Variants in F10 observed in about 807,000 individuals in gnomAD.
F10 encodes coagulation factor X.
F10 carries 29 observed loss-of-function variants against 37.1 expected under a neutral mutation model. That is an observed-to-expected ratio of 0.78 (90% CI 0.58 to 1.07). The LOEUF (loss-of-function observed/expected upper bound fraction) is 1.07. Ranked by LOEUF, F10 falls within the 50% of genes least tolerant of loss-of-function variation. The probability of loss-of-function intolerance (pLI) is 0.00; values close to 1 mark genes in which losing one functional copy is unlikely to be tolerated. For missense variants in F10, 539 were observed against 667.9 expected, an observed-to-expected ratio of 0.81 and a Z score of 2.13; for synonymous variants, 262 against 268.6, an observed-to-expected ratio of 0.98 and a Z score of 0.24.
chr13:113,137,753 A>T (rs999461345), intron 2 of F10, among the ~76,000 whole-genome samples: 2 of 152,058 alleles, frequency 1.3e-5, no homozygotes, highest in Admixed American at 1.3e-4. Flanking sequence ...CTCTGCTTTC[A>T]TCTTCGCATG....
At chr13:113,140,879 CT>C in intron 4 of F10, 39 bp from the exon 5 acceptor site, 1 of 1,613,712 alleles carries the variant, frequency 6.2e-7, no homozygotes, top group South Asian at 1.1e-5. Flanking sequence ...GCCTCCATTT[CT>C]CCAGCTGTCC....
rs3211795 is a variant in F10, at chr13:113,146,730, C to T, written c.748-649C>T. Among the ~76,000 whole-genome samples the T allele has an allele frequency of 9.5e-3, 1,446 of 152,314 alleles. 28 individuals are homozygous for T. The highest frequency in any genetic ancestry group is 0.033 in the African/African-American group (1,366 of 41,562). ...TTCATTGGTCTGTACATGTGCCCAG[C>T]CACTATCACAGGACGGGAAACTCCC... On this transcript the variant is annotated intron_variant, in intron 6 of 7. Coordinates refer to ENST00000375559, the MANE Select transcript of F10 (RefSeq NM_000504.4). This position sits in a 1 kb window ranked among gnomAD's most constrained non-coding sequence, Gnocchi z 4.5.
At chr13:113,148,376 G>A (rs1391433690) in intron 7 of F10, among the ~76,000 whole-genome samples, 5 of 63,850 alleles carry the variant, frequency 7.8e-5, no homozygotes, top group Non-Finnish European at 1.5e-4. Context: ...ATATATATAT[G>A]TGTATATATA....
chr13:113,131,711 T>C (rs2036436005), intron 2 of F10: 1 of 152,214 alleles, frequency 6.6e-6, no homozygotes, highest in Non-Finnish European at 1.5e-5. Flanking sequence ...ATGAGCTCTT[T>C]GACCAAATGA....
At chr13:113,127,231 T>C (rs1178414786) in intron 1 of F10, among the ~76,000 whole-genome samples, 1 of 152,242 alleles carries the variant, frequency 6.6e-6, no homozygotes, top group South Asian at 2.1e-4. Context: ...AAGGTGTTTT[T>C]GAAGCTCAAG....
intron 1 of F10, among the ~76,000 whole-genome samples, chr13:113,125,306 C>T (rs1384354833): frequency 2.0e-5 from 3 of 152,232 alleles, no homozygotes; most frequent in African/African-American, 7.2e-5. Flanking sequence ...TCAATCTTTA[C>T]ATTCAACAAG....
rs9604028 is a variant in F10 at position 113,136,949 on chromosome 13, C to T, written c.232-1508C>T. ...ACAGGCGTGAGCCACCGCGCCCGGC[C>T]AATTCTTGTACTTTTAGTAGAGATG... On this transcript the variant is annotated intron_variant, in intron 2 of 7. Transcript: ENST00000375559. 2.0e-3 allele frequency among the ~76,000 whole-genome samples: 16 copies of T among 8,126 alleles called. 3 individuals carry two copies. Among genetic ancestry groups the T allele is most frequent in the Non-Finnish European group, 3.1e-3 (6 of 1,934 alleles). The allele number at this position is 8,126 out of a possible 152,430, so 5.3% of individuals were successfully genotyped here. A position where few individuals can be genotyped will look rare whatever the true frequency, so the allele number is the denominator to read the frequency against.
At chr13:113,147,255 G>A (rs2036590685) in intron 6 of F10, 124 bp from the exon 7 acceptor site, 6 of 728,560 alleles carry the variant, frequency 8.2e-6, no homozygotes, top group Non-Finnish European at 2.5e-6. Context: ...GTGGATGGCA[G>A]GAGACCGAAG....
chr13:113,132,434 A>G (rs1284033994), intron 2 of F10, among the ~76,000 whole-genome samples: 3 of 152,226 alleles, frequency 2.0e-5, no homozygotes, highest in Admixed American at 2.0e-4. Flanking sequence ...ATTTCTAAAT[A>G]TTGCTATTAG....
At position 113,143,708 on chromosome 13, in the gene F10, C is replaced by G; in HGVS notation, c.503-143C>G. ...CCGACCCCTGCCGACGACGTGGGGC[C>G]TCGCCCTGCAAGCCCGCTGCCCCTC... On this transcript the variant is annotated intron_variant, in intron 5 of 7. Coordinates refer to ENST00000375559, the MANE Select transcript of F10 (RefSeq NM_000504.4). This position sits in a 1 kb window ranked among gnomAD's most constrained non-coding sequence, Gnocchi z 6.8. The G allele has an allele frequency of 5.7e-6, 7 of 1,236,346 alleles. No homozygotes were observed. Among genetic ancestry groups the G allele is most frequent in the Admixed American group, 4.7e-5 (2 of 42,774 alleles). The allele number at this position is 1,236,346 out of a possible 1,614,324, so 76.6% of individuals were successfully genotyped here.
rs11398393 is a variant in F10 at position 113,140,073 on chromosome 13, C to CTTTT, written c.370+618_370+621dup. 3.7e-4 allele frequency among the ~76,000 whole-genome samples: 46 copies of CTTTT among 125,392 alleles called. 1 individual carries two copies. The highest frequency in any genetic ancestry group is 7.8e-4 in the South Asian group (3 of 3,836). 82.3% of individuals were successfully genotyped at this position (125,392 alleles called of 152,430 possible). The stretch of plus-strand genomic sequence containing the variant: ...TCTTTTAAAGTACTTAATTGATCAT[C>CTTTT]TTTTTTTTTTTTTTTTTTGAGATGG... On this transcript the variant is annotated intron_variant, in intron 4 of 7. Transcript: ENST00000375559.
chr13:113,123,527 G>A (rs559928297), intron 1 of F10, among the ~76,000 whole-genome samples: 5 of 152,338 alleles, frequency 3.3e-5, no homozygotes, highest in Admixed American at 2.6e-4. Context: ...GGCAAGCCTG[G>A]GGACAGCGGA....
At chr13:113,140,625 G>T in intron 4 of F10, 2 of 617,446 alleles carry the variant, frequency 3.2e-6, no homozygotes, top group Non-Finnish European at 3.1e-6. Flanking sequence ...GAGGGATGTG[G>T]AGTGACCGTA....
chr13:113,129,156 C>T (rs898817524), intron 1 of F10, among the ~76,000 whole-genome samples: 3 of 152,136 alleles, frequency 2.0e-5, no homozygotes, highest in African/African-American at 4.8e-5. Context: ...GGTCTCTTAA[C>T]GTGAATGCTG....
chr13:113,144,127 G>T lies in F10; in HGVS notation c.747+32G>T. 6.2e-7 allele frequency: 1 copy of T among 1,612,528 alleles called. No individual in the cohort carries two copies. ...GTAGGATGTCCCCTCGGGCCTGCTG[G>T]AGAGACCACCTGTCCCGCTGTGCAC... is the stretch of plus-strand genomic sequence containing the variant. On this transcript the variant is annotated intron_variant, in intron 6 of 7. Coordinates refer to ENST00000375559, the MANE Select transcript of F10 (RefSeq NM_000504.4). The surrounding 1 kb of genome is among the most constrained non-coding windows in gnomAD (Gnocchi z 6.4).
At chr13:113,126,488 T>A (rs2036371470) in intron 1 of F10, among the ~76,000 whole-genome samples, 1 of 151,768 alleles carries the variant, frequency 6.6e-6, no homozygotes, top group Admixed American at 6.6e-5. Flanking sequence ...CTCTAAGAGG[T>A]CAGAGGAGGC....
intron 2 of F10, among the ~76,000 whole-genome samples, chr13:113,129,843 T>C (rs2036412277): frequency 6.6e-6 from 1 of 152,196 alleles, no homozygotes; most frequent in South Asian, 2.1e-4. Context: ...CGGGGAGGGA[T>C]GCGCCCAAGT....
intron 7 of F10, among the ~76,000 whole-genome samples, chr13:113,148,557 T>TTCATGGC (rs1313382320): frequency 3.0e-4 from 45 of 152,232 alleles, no homozygotes; most frequent in African/African-American, 1.1e-3. Flanking sequence ...ACAACTATTT[T>TTCATGGC]ACACTCTCAG....
In F10 at chr13:113,139,023, G is replaced by A. The variant is rs988851357; in HGVS notation, c.257-334G>A. Among the ~76,000 whole-genome samples the A allele has an allele frequency of 5.9e-5, 9 of 152,182 alleles. No individual in the cohort carries two copies. The highest frequency in any genetic ancestry group is 2.1e-4 in the South Asian group (1 of 4,824). On this transcript the variant is annotated intron_variant, in intron 3 of 7. Coordinates refer to ENST00000375559, the MANE Select transcript of F10 (RefSeq NM_000504.4). This position sits in a 1 kb window ranked among gnomAD's most constrained non-coding sequence, Gnocchi z 5.2. ...AAGAGGAACCCTAACCTCCTCTCCC[G>A]TCAAGGCCCAGCCCAGAAATGAGCA...
Sources: gnomAD v4.1 joint callset for allele counts (sites outside exome capture counted in the v4.1 genomes callset) on GRCh38, gnomAD v4.1.1 for gene constraint, Gnocchi (gnomAD v3.1) non-coding constraint, MANE v1.5 for transcripts, NCBI Gene and HGNC (gene_info 2026-07-23, HGNC 2026-07-21) for gene names.